The following PAFAH1B2 variants were observed in gnomAD, a reference collection of about 807,000 sequenced individuals.
PAFAH1B2 encodes the protein platelet activating factor acetylhydrolase 1b catalytic subunit 2.
PAFAH1B2 carries 8 observed loss-of-function variants against 28.0 expected under a neutral mutation model. The observed-to-expected ratio is 0.29, with a 90% confidence interval of 0.17 to 0.52. The LOEUF (loss-of-function observed/expected upper bound fraction) is 0.52. Among genes scored for constraint, PAFAH1B2 ranks in the 20% least tolerant of loss-of-function variants. The probability of loss-of-function intolerance (pLI) is 0.97; values close to 1 mark genes in which losing one functional copy is unlikely to be tolerated. For missense variants in PAFAH1B2, 190 were observed against 282.6 expected (o/e 0.67, Z 2.35); for synonymous variants, 104 against 103.2 (o/e 1.01, Z -0.05).
downstream of PAFAH1B2, among the ~76,000 whole-genome samples, chr11:117,171,297 A>G (rs1245904118): frequency 6.6e-6 from 1 of 152,126 alleles, no homozygotes; most frequent in Non-Finnish European, 1.5e-5. Flanking sequence ...TTTCCATTAG[A>G]TTGGAATAGT....
rs1168530277 is a variant in PAFAH1B2 at position 117,168,229 on chromosome 11, A to G, written c.*530A>G. 85 of 1,059,864 alleles carry G rather than the reference A, an allele frequency of 8.0e-5. No homozygotes were observed. Among genetic ancestry groups the G allele is most frequent in the Non-Finnish European group, 9.1e-5 (80 of 875,482 alleles). The allele number at this position is 1,059,864 out of a possible 1,614,324, so 65.7% of individuals were successfully genotyped here. On this transcript the variant is annotated 3_prime_UTR_variant, in exon 6 of 6. Coordinates refer to ENST00000527958, the MANE Select transcript of PAFAH1B2 (RefSeq NM_002572.4). ...GGTTGAACATGCTTGTCATTGATATATGGAAGATGCTATAGTTAGAAGTGA... is the reference window on the plus strand; with the variant it reads ...GGTTGAACATGCTTGTCATTGATATGTGGAAGATGCTATAGTTAGAAGTGA...
At chr11:117,149,255 A>G (rs1376278150) in intron 1 of PAFAH1B2, among the ~76,000 whole-genome samples, 1 of 35,542 alleles carries the variant, frequency 2.8e-5, no homozygotes, top group Non-Finnish European at 7.4e-5. Context: ...TAATTTCTTC[A>G]ATTTTTTTGT....
intron 1 of PAFAH1B2, 125 bp from the exon 2 acceptor site, chr11:117,152,316 C>T: frequency 1.6e-6 from 1 of 622,248 alleles, no homozygotes; most frequent in Non-Finnish European, 2.9e-6. Context: ...GTTTAGTTTC[C>T]CAATTGTTTC....
At chr11:117,174,203 T>TGTGTGTGTGG (rs1191463894), downstream of PAFAH1B2, among the ~76,000 whole-genome samples, 2 of 149,292 alleles carry the variant, frequency 1.3e-5, no homozygotes, top group African/African-American at 2.5e-5. Flanking sequence ...TGTGTGTGTG[T>TGTGTGTGTGG]GTGGCAGTTT....
At chr11:117,175,761 A>G (rs908105244), downstream of PAFAH1B2, 4 of 1,064,146 alleles carry the variant, frequency 3.8e-6, no homozygotes, top group South Asian at 3.3e-5. Flanking sequence ...GTAGGGTCAC[A>G]TCTTGCCCCA....
At position 117,167,971 on chromosome 11, in the gene PAFAH1B2, G is replaced by A; in HGVS notation, c.*272G>A. 9.1e-7 allele frequency: 1 copy of A among 1,100,266 alleles called. No homozygotes were observed. The highest frequency in any genetic ancestry group is 1.1e-6 in the Non-Finnish European group (1 of 903,012). 68.2% of individuals were successfully genotyped at this position (1,100,266 alleles called of 1,614,324 possible). ...TAGTTGTATGTGTAACACATTCATT[G>A]AATTATTATCACTGTTTTCTTGGGA... On this transcript the variant is annotated 3_prime_UTR_variant, in exon 6 of 6. Transcript: ENST00000527958.
chr11:117,162,835 A>G (rs1449987250), intron 4 of PAFAH1B2, among the ~76,000 whole-genome samples: 2 of 151,788 alleles, frequency 1.3e-5, no homozygotes, highest in African/African-American at 4.8e-5. Flanking sequence ...GTACCTGTGT[A>G]TTTATACCGT....
At chr11:117,157,050 A>T (rs536463411) in intron 2 of PAFAH1B2, among the ~76,000 whole-genome samples, 1 of 149,848 alleles carries the variant, frequency 6.7e-6, no homozygotes, top group East Asian at 1.9e-4. Context: ...AAAAAAAAAA[A>T]GAAAGGTAGT....
intron 2 of PAFAH1B2, among the ~76,000 whole-genome samples, chr11:117,157,300 A>G (rs187123696): frequency 1.6e-4 from 25 of 151,582 alleles, no homozygotes; most frequent in African/African-American, 5.3e-4. Context: ...ATATATATAT[A>G]TATAGTTTGT....
intron 1 of PAFAH1B2, among the ~76,000 whole-genome samples, chr11:117,151,147 A>G (rs1956140265): frequency 6.6e-6 from 1 of 151,984 alleles, no homozygotes; most frequent in African/African-American, 2.4e-5. Context: ...CTTTCTATTT[A>G]TAGAAGATTA....
downstream of PAFAH1B2, among the ~76,000 whole-genome samples, chr11:117,173,311 G>C (rs1457773700): frequency 6.6e-6 from 1 of 152,164 alleles, no homozygotes. Flanking sequence ...CTGCCCACTT[G>C]GTCAGAGCTT....
intron 4 of PAFAH1B2, among the ~76,000 whole-genome samples, chr11:117,162,787 G>T (rs1308816651): frequency 6.6e-6 from 1 of 151,756 alleles, no homozygotes; most frequent in African/African-American, 2.4e-5. Context: ...TGTTAAAGTT[G>T]CATCCAGCCT....
intron 2 of PAFAH1B2, among the ~76,000 whole-genome samples, chr11:117,155,516 GAA>G (rs1203735105): frequency 6.6e-6 from 1 of 152,100 alleles, no homozygotes; most frequent in African/African-American, 2.4e-5. Context: ...GGAAGAGAAA[GAA>G]AGAGAAACGT....
chr11:117,175,194 C>G (rs998140103), downstream of PAFAH1B2: 3 of 1,118,354 alleles, frequency 2.7e-6, no homozygotes, highest in African/African-American at 3.2e-5. Flanking sequence ...TATATTATGC[C>G]AGGGAATGCG....
chr11:117,174,909 C>T, downstream of PAFAH1B2: 1 of 1,527,134 alleles, frequency 6.5e-7, no homozygotes, highest in Non-Finnish European at 8.8e-7. Context: ...GTCACCGCAC[C>T]AGGCCATCTT....
In PAFAH1B2 at chr11:117,170,556, G is replaced by T; in HGVS notation, c.*2857G>T. 1 of 1,041,642 alleles carries T rather than the reference G, an allele frequency of 9.6e-7. No individual in the cohort carries two copies. Among genetic ancestry groups the T allele is most frequent in the Non-Finnish European group, 1.2e-6 (1 of 868,484 alleles). The allele number at this position is 1,041,642 out of a possible 1,614,324, so 64.5% of individuals were successfully genotyped here. On this transcript the variant is annotated 3_prime_UTR_variant, in exon 6 of 6. Transcript: ENST00000527958. ...GCATCTGCCTAAACCAGAATCTTTT[G>T]TCAGAAACCTTAACCCAACAAAACA...
Position 117,144,390 on chromosome 11 carries a change from C to T in PAFAH1B2, c.-36C>T. ...GCGCCACCCGCCGACGCCTCAGCCG[C>T]TTGGGGCCCGCACGGACCCTCTACT... On this transcript the variant is annotated 5_prime_UTR_variant, in exon 1 of 6. Coordinates refer to ENST00000527958, the MANE Select transcript of PAFAH1B2 (RefSeq NM_002572.4). The T allele has an allele frequency of 2.4e-6, 1 of 415,662 alleles. No homozygotes were observed. Among genetic ancestry groups the T allele is most frequent in the Non-Finnish European group, 4.9e-6 (1 of 203,678 alleles). The allele number at this position is 415,662 out of a possible 1,614,324, so 25.7% of individuals were successfully genotyped here.
exon 6 of PAFAH1B2, chr11:117,176,303 C>T: frequency 3.1e-6 from 1 of 323,868 alleles, no homozygotes; most frequent in East Asian, 4.9e-5. Context: ...GGGGCCAAAA[C>T]TAATTCCTCC....
At chr11:117,172,392 ATATATATATATATT>A (rs1956687515), downstream of PAFAH1B2, among the ~76,000 whole-genome samples, 2 of 1,924 alleles carry the variant, frequency 1.0e-3, no homozygotes, top group African/African-American at 3.5e-3. Context: ...ATATATATAT[ATATATATATATATT>A]TTTTTTTTTT....
Sources: gnomAD v4.1 joint callset for allele counts (sites outside exome capture counted in the v4.1 genomes callset) on GRCh38, gnomAD v4.1.1 for gene constraint, MANE v1.5 for transcripts, NCBI Gene and HGNC (gene_info 2026-07-23, HGNC 2026-07-21) for gene names.